The following RBFOX1 variants were observed in gnomAD, a reference collection of about 807,000 sequenced individuals.
RBFOX1 encodes RNA binding fox-1 homolog 1.
Under a neutral mutation model 57.7 loss-of-function variants are expected in RBFOX1, and 8 were observed. The observed-to-expected ratio is 0.14, with a 90% CI of 0.08 to 0.25. The LOEUF is 0.25. Among genes scored for constraint, RBFOX1 ranks in the 10% least tolerant of loss-of-function variants. The pLI is 1.00. For synonymous variants in RBFOX1, 326 were observed against 222.4 expected, an observed-to-expected ratio of 1.47 and a Z score of -4.15; for missense variants, 611 against 548.5, an observed-to-expected ratio of 1.11 and a Z score of -1.14.
intron 3 of RBFOX1, among the ~76,000 whole-genome samples, chr16:6,883,427 G>A (rs537301813): frequency 6.6e-6 from 1 of 152,128 alleles, no homozygotes; most frequent in African/African-American, 2.4e-5. Context: ...TAATGTGTTG[G>A]TTCATAGACA....
chr16:5,658,790 A>G (rs2049543349), intron 3 of RBFOX1, among the ~76,000 whole-genome samples: 1 of 136,452 alleles, frequency 7.3e-6, no homozygotes, highest in Non-Finnish European at 1.5e-5. Context: ...ATGTATATAT[A>G]TAATATATGT....
At chr16:6,179,624 G>T (rs1031047333) in intron 1 of RBFOX1, among the ~76,000 whole-genome samples, 13 of 152,140 alleles carry the variant, frequency 8.5e-5, no homozygotes, top group Admixed American at 8.5e-4. Flanking sequence ...ACAGCAACAA[G>T]AACCAGAACA....
At chr16:7,062,346 A>G (rs9745794) in intron 4 of RBFOX1, among the ~76,000 whole-genome samples, 71,312 of 144,144 alleles carry the variant, frequency 0.49, 20,477 homozygotes, top group South Asian at 0.77. Flanking sequence ...AAAGAAAAGA[A>G]AAAAGGAAAA....
intron 4 of RBFOX1, among the ~76,000 whole-genome samples, chr16:7,061,506 C>G (rs1047987838): frequency 2.0e-5 from 3 of 152,086 alleles, no homozygotes; most frequent in Non-Finnish European, 2.9e-5. Context: ...TCTTATAATT[C>G]ACATATATGT....
intron 4 of RBFOX1, among the ~76,000 whole-genome samples, chr16:7,292,339 TATATATA>T (rs1486384558): frequency 7.2e-6 from 1 of 138,224 alleles, no homozygotes; most frequent in Non-Finnish European, 1.5e-5. Flanking sequence ...TCATACATGA[TATATATA>T]ATATATAATG....
At chr16:6,793,766 A>T (rs868176701) in intron 3 of RBFOX1, among the ~76,000 whole-genome samples, 3 of 152,124 alleles carry the variant, frequency 2.0e-5, no homozygotes, top group African/African-American at 7.2e-5. Context: ...AGTTTCCATG[A>T]TTCATTTTAG....
chr16:5,715,082 C>T (rs1239384588), intron 3 of RBFOX1, among the ~76,000 whole-genome samples: 1 of 152,200 alleles, frequency 6.6e-6, no homozygotes, highest in Admixed American at 6.5e-5. Flanking sequence ...GTTGACGCAG[C>T]CGCCTTGTTT....
At chr16:7,209,941 G>A (rs557209591) in intron 4 of RBFOX1, among the ~76,000 whole-genome samples, 1 of 152,154 alleles carries the variant, frequency 6.6e-6, no homozygotes, top group Non-Finnish European at 1.5e-5. Flanking sequence ...TGGTAGGCAG[G>A]CAAAATGAAA....
chr16:5,867,405 A>G, intron 4 of RBFOX1: 1 of 955,594 alleles, frequency 1.0e-6, no homozygotes, highest in Non-Finnish European at 1.4e-6. Context: ...ATGGAGTGTA[A>G]CGAGCATTCT....
intron 1 of RBFOX1, among the ~76,000 whole-genome samples, chr16:6,282,303 G>C (rs1454641198): frequency 6.7e-6 from 1 of 149,368 alleles, no homozygotes; most frequent in Non-Finnish European, 1.5e-5. Context: ...TGAACAGCAA[G>C]TTTGACACCT....
At chr16:6,926,473 A>G (rs1426611283) in intron 3 of RBFOX1, among the ~76,000 whole-genome samples, 1 of 152,152 alleles carries the variant, frequency 6.6e-6, no homozygotes, top group South Asian at 2.1e-4. Context: ...TAGTAGGTTC[A>G]GTGGGTTGAT....
chr16:7,710,566 C>G, intron 15 of RBFOX1, 57 bp from the exon 16 acceptor site: 1 of 1,605,364 alleles, frequency 6.2e-7, no homozygotes, highest in Non-Finnish European at 8.5e-7. Context: ...TTTTGATGAT[C>G]CACATGTTGC....
intron 10 of RBFOX1, among the ~76,000 whole-genome samples, chr16:7,629,040 C>T (rs2060514657): frequency 6.6e-6 from 1 of 152,158 alleles, no homozygotes; most frequent in Non-Finnish European, 1.5e-5. Context: ...GTTAATTTCA[C>T]TGTTGTGTGA....
chr16:5,295,846 C>T (rs965280391), intron 1 of RBFOX1, among the ~76,000 whole-genome samples: 1 of 152,200 alleles, frequency 6.6e-6, no homozygotes, highest in Non-Finnish European at 1.5e-5. Context: ...TGGGAGGCAT[C>T]TGGTTGCCAT....
At chr16:6,741,668 C>G (rs1226250268) in intron 3 of RBFOX1, among the ~76,000 whole-genome samples, 1 of 85,742 alleles carries the variant, frequency 1.2e-5, no homozygotes, top group Non-Finnish European at 2.4e-5. Flanking sequence ...GACTCAGTCT[C>G]AAAAAAAAAA....
chr16:5,937,452 G>C lies in RBFOX1; in HGVS notation c.351+70117G>C, dbSNP rs567618951. Among the ~76,000 whole-genome samples the C allele has an allele frequency of 2.0e-5, 3 of 152,110 alleles. No individual in the cohort carries two copies. In the East Asian group the frequency reaches 5.8e-4, roughly 29 times the overall value. ...CACACGTTTATTTCTGTTTGGGAGA[G>C]TTAAAGAAAAGCCCCTGGAATAAGC... On this transcript the variant is annotated intron_variant, in intron 4 of 19. Coordinates refer to the RBFOX1 transcript ENST00000641259.
chr16:7,251,524 C>T (rs1039787295), intron 4 of RBFOX1, among the ~76,000 whole-genome samples: 3 of 151,232 alleles, frequency 2.0e-5, no homozygotes, highest in Admixed American at 1.3e-4. Flanking sequence ...GATTTTCCTG[C>T]CTCAGACTCC....
intron 4 of RBFOX1, among the ~76,000 whole-genome samples, chr16:7,141,642 A>G (rs2073819362): frequency 6.6e-6 from 1 of 152,140 alleles, no homozygotes; most frequent in Non-Finnish European, 1.5e-5. Flanking sequence ...TGTAGTTTGG[A>G]TGAGTTAAAC....
At chr16:7,182,207 T>G (rs1358993064) in intron 4 of RBFOX1, among the ~76,000 whole-genome samples, 1 of 152,144 alleles carries the variant, frequency 6.6e-6, no homozygotes, top group Admixed American at 6.5e-5. Context: ...TTTTTCAGAT[T>G]ATAAGCTACA....
Sources: gnomAD v4.1 joint callset for allele counts (sites outside exome capture counted in the v4.1 genomes callset) on GRCh38, gnomAD v4.1.1 for gene constraint, MANE v1.5 for transcripts, NCBI Gene and HGNC (gene_info 2026-07-23, HGNC 2026-07-21) for gene names.